The following ZNF239 variants were observed in gnomAD, a reference collection of about 807,000 sequenced individuals.
ZNF239 encodes the protein zinc finger protein (C2H2) homologous to mouse MOK-2.
A neutral mutation model predicts 27.5 loss-of-function variants in ZNF239; 16 were observed. The ratio of observed to expected loss-of-function variants is 0.58; its 90% CI spans 0.39 to 0.88. The LOEUF (loss-of-function observed/expected upper bound fraction) is 0.88. Ranked by LOEUF, ZNF239 falls within the 40% of genes least tolerant of loss-of-function variation. The pLI is 0.00. For missense variants in ZNF239, 527 were observed against 551.9 expected (o/e 0.95, Z 0.45); for synonymous variants, 199 against 192.6 (o/e 1.03, Z -0.27).
At chr10:43,570,541 C>T in intron 2 of ZNF239, 3 of 984,440 alleles carry the variant, frequency 3.0e-6, no homozygotes, top group Non-Finnish European at 3.6e-6. Flanking sequence ...GATGCAAGCC[C>T]ACCAATTATC....
At chr10:43,560,410 C>T (rs1017680744) in intron 3 of ZNF239, among the ~76,000 whole-genome samples, 3 of 152,128 alleles carry the variant, frequency 2.0e-5, no homozygotes, top group African/African-American at 7.2e-5. Context: ...AGAAGCAGGG[C>T]ATGCCCCAGA....
intron 3 of ZNF239, among the ~76,000 whole-genome samples, chr10:43,558,471 C>T (rs781632665): frequency 6.6e-6 from 1 of 151,112 alleles, no homozygotes; most frequent in Non-Finnish European, 1.5e-5. Flanking sequence ...TTTTTTGAGA[C>T]AGAGTTTCAC....
At chr10:43,559,193 TA>T (rs1837037442) in intron 3 of ZNF239, among the ~76,000 whole-genome samples, 1 of 152,176 alleles carries the variant, frequency 6.6e-6, no homozygotes, top group South Asian at 2.1e-4. Flanking sequence ...TAGTGTCTAA[TA>T]ATAAGGACCT....
At chr10:43,562,502 G>A (rs902174816) in intron 3 of ZNF239, among the ~76,000 whole-genome samples, 7 of 152,154 alleles carry the variant, frequency 4.6e-5, no homozygotes, top group African/African-American at 1.7e-4. Flanking sequence ...TTTTCACTGT[G>A]CACGTTTTAT....
intron 3 of ZNF239, among the ~76,000 whole-genome samples, chr10:43,563,479 A>T (rs1837412997): frequency 6.6e-6 from 1 of 152,210 alleles, no homozygotes; most frequent in Non-Finnish European, 1.5e-5. Flanking sequence ...GTAATCTCAT[A>T]AAATTTTAAT....
Position 43,559,269 on chromosome 10 carries a change from CTT to C in ZNF239, c.-92-1100_-92-1099del, listed in dbSNP as rs1309498015. Among the ~76,000 whole-genome samples, 62 of 152,290 alleles carry C rather than the reference CTT, an allele frequency of 4.1e-4. 1 individual carries two copies. The highest frequency in any genetic ancestry group is 1.2e-4 in the Non-Finnish European group (8 of 68,028). On this transcript the variant is annotated intron_variant, in intron 3 of 3. Coordinates refer to ENST00000374446, the MANE Select transcript of ZNF239 (RefSeq NM_001099282.2). ...TTTTAATTCAGAGTGAAATGACTGA[CTT>C]TGTGACAATAAACACCACTGGAAAG...
intron 1 of ZNF239, among the ~76,000 whole-genome samples, chr10:43,574,117 A>T (rs956181468): frequency 6.6e-6 from 1 of 152,208 alleles, no homozygotes; most frequent in Non-Finnish European, 1.5e-5. Context: ...AGTGCTGCGG[A>T]CAGAAACCTC....
Position 43,557,999 on chromosome 10 carries a change from A to T in ZNF239, c.81T>A (p.Ile27=). 1 of 1,614,172 alleles carries T rather than the reference A, an allele frequency of 6.2e-7. No individual in the cohort carries two copies. Among genetic ancestry groups the T allele is most frequent in the Non-Finnish European group, 8.5e-7 (1 of 1,180,022 alleles). The change falls in exon 4 of 4, where the codon ATT becomes ATA. Residue 27 remains isoleucine (I), a synonymous_variant. Coordinates refer to ENST00000374446, the MANE Select transcript of ZNF239 (RefSeq NM_001099282.2). ...CTTCTCCCCACTGTTGACAAGGGGA[A>T]ATATCTAGTTCAGGCTCCCCATCCA... ...GEVDGEPELD[I]SPCQQWGEAS...
At chr10:43,570,310 T>C (rs975784303) in intron 2 of ZNF239, 2 of 985,164 alleles carry the variant, frequency 2.0e-6, no homozygotes, top group Admixed American at 6.2e-5. Flanking sequence ...AGCCCCGGAG[T>C]AAAGGTGGGA....
chr10:43,558,389 T>C (rs1836963607), intron 3 of ZNF239, among the ~76,000 whole-genome samples: 1 of 152,218 alleles, frequency 6.6e-6, no homozygotes, highest in Admixed American at 6.5e-5. Context: ...CTTCCCTAAC[T>C]AATCCTATAG....
At chr10:43,574,347 G>A (rs1325960556) in intron 1 of ZNF239, among the ~76,000 whole-genome samples, 193 bp downstream of exon 1, 1 of 152,196 alleles carries the variant, frequency 6.6e-6, no homozygotes, top group African/African-American at 2.4e-5. Context: ...CGGCCCCGGG[G>A]GCGCAGCAGC....
rs374220744 is a variant in ZNF239, at chr10:43,557,967, G to C, written c.113C>G (p.Ser38Cys). The change falls in exon 4 of 4, where the codon TCT becomes TGT. Residue 38 changes from serine to cysteine, a missense_variant. Ser to Cys is a moderately radical substitution (Grantham distance 112, BLOSUM62 -1). Coordinates refer to ENST00000374446, the MANE Select transcript of ZNF239 (RefSeq NM_001099282.2). ...ACTGTCCCTGTTTCTGGAAATAGGA[G>C]AAGATGCTTCTCCCCACTGTTGACA... Reference protein sequence around the residue: ...SPCQQWGEASSPISRNRDSVM... With the variant: ...SPCQQWGEASCPISRNRDSVM... 5.0e-6 allele frequency: 8 copies of C among 1,614,164 alleles called. No individual in the cohort carries two copies. Among genetic ancestry groups the C allele is most frequent in the Non-Finnish European group, 5.9e-6 (7 of 1,180,016 alleles).
Position 43,557,104 on chromosome 10 carries a change from T to C in ZNF239, c.976A>G (p.Met326Val), listed in dbSNP as rs775856739. The change falls in exon 4 of 4, where the codon ATG becomes GTG. Residue 326 changes from methionine (M) to valine (V), a missense_variant. Met to Val is a conservative substitution (Grantham distance 21). Coordinates refer to ENST00000374446, the MANE Select transcript of ZNF239 (RefSeq NM_001099282.2). ...AGGTTTGAGCGCTGACTGAAGCTCA[T>C]ACCACACTCCTCACACTCATAGGGC... The part of the protein sequence containing the change: ...EKPYECEECG[M>V]SFSQRSNLHI... The C allele has an allele frequency of 6.2e-7, 1 of 1,612,920 alleles. No individual in the cohort carries two copies. The highest frequency in any genetic ancestry group is 8.5e-7 in the Non-Finnish European group (1 of 1,179,230).
At chr10:43,570,381 C>T (rs1452506043) in intron 2 of ZNF239, 1 of 985,260 alleles carries the variant, frequency 1.0e-6, no homozygotes, top group Non-Finnish European at 1.2e-6. Context: ...TTTAGCAAGG[C>T]ATGACCCATG....
chr10:43,568,602 A>C, intron 2 of ZNF239: 1 of 325,580 alleles, frequency 3.1e-6, no homozygotes, highest in Non-Finnish European at 4.4e-6. Context: ...GCACATATAC[A>C]CACAGCCATA....
chr10:43,563,152 T>C (rs989065672), intron 3 of ZNF239, among the ~76,000 whole-genome samples: 3 of 152,026 alleles, frequency 2.0e-5, no homozygotes. Context: ...CAGTCTCCTC[T>C]GAATATACAA....
At chr10:43,573,525 C>T (rs1368712724) in intron 2 of ZNF239, 112 bp downstream of exon 2, 3 of 653,604 alleles carry the variant, frequency 4.6e-6, no homozygotes, top group African/African-American at 2.0e-5. Flanking sequence ...AATGTCCCTA[C>T]ATCCATAGCT....
chr10:43,557,730 TG>T lies in ZNF239; in HGVS notation c.349del (p.Gln117LysfsTer16). 1 of 1,614,140 alleles carries T rather than the reference TG, an allele frequency of 6.2e-7. No individual in the cohort carries two copies. Among genetic ancestry groups the T allele is most frequent in the Non-Finnish European group, 8.5e-7 (1 of 1,180,024 alleles). On this transcript the variant is annotated frameshift_variant, in exon 4 of 4. Transcript: ENST00000374446. LOFTEE classifies it high-confidence loss of function. The stretch of plus-strand genomic sequence containing the variant: ...TTGTCCATCAGACACCAGTTTAACT[TG>T]AAGGTTCTCTGAACAACTTTCCCCC... ...IKGESCSENL[Q>X]VKLVSDGQEL...
At chr10:43,570,106 G>T in intron 2 of ZNF239, 1 of 893,888 alleles carries the variant, frequency 1.1e-6, no homozygotes, top group Non-Finnish European at 1.3e-6. Flanking sequence ...AGCCAGCTTT[G>T]GCCTGAGGCT....
Sources: allele counts gnomAD v4.1 joint callset (sites outside exome capture counted in the v4.1 genomes callset), GRCh38; gene constraint gnomAD v4.1.1; transcripts MANE v1.5; gene names NCBI Gene and HGNC (gene_info 2026-07-23, HGNC 2026-07-21).